UNC13B: variants seen among roughly 807,000 people sequenced by gnomAD.
UNC13B encodes the protein protein unc-13 homolog B.
Under a neutral mutation model 211.0 loss-of-function variants are expected in UNC13B, and 144 were observed. The ratio of observed to expected loss-of-function variants is 0.68; its 90% CI spans 0.60 to 0.78. UNC13B has a LOEUF of 0.78. Ranked by LOEUF, UNC13B falls within the 30% of genes least tolerant of loss-of-function variation. The probability of loss-of-function intolerance (pLI) is 0.00; values close to 1 mark genes in which losing one functional copy is unlikely to be tolerated. For synonymous variants in UNC13B, 709 were observed against 725.8 expected (o/e 0.98, Z 0.37); for missense variants, 1,777 against 2,002.0 (o/e 0.89, Z 2.14).
chr9:35,241,654 T>G (rs1587446836), intron 5 of UNC13B, among the ~76,000 whole-genome samples: 1 of 151,976 alleles, frequency 6.6e-6, no homozygotes, highest in South Asian at 2.1e-4. Context: ...CCCTGTGCCT[T>G]GCTGTTTTGC....
intron 1 of UNC13B, among the ~76,000 whole-genome samples, chr9:35,219,609 C>T (rs1476822777): frequency 2.7e-5 from 4 of 145,970 alleles, no homozygotes; most frequent in Non-Finnish European, 6.0e-5. Flanking sequence ...AGAGCAAGAC[C>T]CTGTGTCCAA....
chr9:35,293,956 G>A (rs16932308), intron 7 of UNC13B, among the ~76,000 whole-genome samples: 4,354 of 152,078 alleles, frequency 0.029, 213 homozygotes, highest in African/African-American at 0.1. Flanking sequence ...ACTCAAATAG[G>A]AAAAGCTCAT....
intron 11 of UNC13B, among the ~76,000 whole-genome samples, chr9:35,365,910 C>G (rs1007939995): frequency 1.3e-5 from 2 of 152,296 alleles, no homozygotes; most frequent in East Asian, 1.9e-4. Context: ...AGGTAATTCT[C>G]CCTCACTTTT....
chr9:35,225,700 G>A (rs145404294), intron 1 of UNC13B, among the ~76,000 whole-genome samples: 18 of 152,100 alleles, frequency 1.2e-4, no homozygotes, highest in Admixed American at 7.2e-4. Context: ...AATTGTTGGC[G>A]GAGGCTGTGA....
rs1298213176 is a variant in UNC13B at position 35,301,669 on chromosome 9, A to C, written c.2265A>C (p.Lys755Asn). The C allele has an allele frequency of 2.5e-6, 1 of 398,400 alleles. No individual in the cohort carries two copies. The highest frequency in any genetic ancestry group is 2.1e-5 in the African/African-American group (1 of 48,522). The allele number at this position is 398,400 out of a possible 1,614,324, so 24.7% of individuals were successfully genotyped here. A position where few individuals can be genotyped will look rare whatever the true frequency, so the allele number is the denominator to read the frequency against. ...ATGATGAGAGTCTATTGGAAGAAAAACTCTGTATAGATCTGTCTCTTTTAC... is the reference window on the plus strand; with the variant it reads ...ATGATGAGAGTCTATTGGAAGAAAACCTCTGTATAGATCTGTCTCTTTTAC... ...SKNDESLLEE[K>N]LCIDLSLLPD... Residue 755 changes from lysine to asparagine, a missense_variant, in exon 9 of 40, where the codon AAA becomes AAC. By Grantham distance (94) the Lys-to-Asn change is moderately conservative. Transcript: ENST00000635942.
At chr9:35,224,046 A>T (rs1028740241) in intron 1 of UNC13B, among the ~76,000 whole-genome samples, 1 of 152,282 alleles carries the variant, frequency 6.6e-6, no homozygotes, top group South Asian at 2.1e-4. Flanking sequence ...TGCTTTGGTT[A>T]CTATAGCTTT....
intron 7 of UNC13B, among the ~76,000 whole-genome samples, chr9:35,285,275 G>C (rs1828726937): frequency 6.6e-6 from 1 of 152,110 alleles, no homozygotes; most frequent in Admixed American, 6.5e-5. Context: ...TTTTCATATA[G>C]GAAATTCTAT....
intron 11 of UNC13B, among the ~76,000 whole-genome samples, chr9:35,365,516 C>T (rs746598451): frequency 4.6e-5 from 7 of 152,184 alleles, no homozygotes; most frequent in Non-Finnish European, 5.9e-5. Context: ...CTGCTGAGTA[C>T]GGTGGCTATT....
At position 35,399,266 on chromosome 9, in the gene UNC13B, C is replaced by G; in HGVS notation, c.12180C>G (p.Pro4060=). 1 of 1,614,134 alleles carries G rather than the reference C, an allele frequency of 6.2e-7. No homozygotes were observed. The highest frequency in any genetic ancestry group is 8.5e-7 in the Non-Finnish European group (1 of 1,180,018). Residue 4060 remains proline, a synonymous_variant, in exon 34 of 40, where the codon CCC becomes CCG. Coordinates refer to ENST00000635942, the MANE Select transcript of UNC13B (RefSeq NM_001371189.2). The part of the protein sequence containing the change: ...MNTMERMIVL[P]PLTDQTGTQL... ...CAATGGAGAGGATGATTGTTCTGCC[C>G]CCACTCACTGACCAGACGGTAAGGA...
In UNC13B at chr9:35,272,549, C is replaced by T. The variant is rs572327117; in HGVS notation, c.526+13499C>T. On this transcript the variant is annotated intron_variant, in intron 7 of 39. Transcript: ENST00000635942. Reference sequence around the variant, plus strand: ...TTGGGATTACAGGCGTGAGCCACCACGCCCGGCCTGTTTTATTTTTTCTTT... The same window carrying T: ...TTGGGATTACAGGCGTGAGCCACCATGCCCGGCCTGTTTTATTTTTTCTTT... Among the ~76,000 whole-genome samples the T allele has an allele frequency of 3.3e-4, 50 of 152,170 alleles. No individual in the cohort carries two copies. The East Asian group carries it at 4.2e-3, about 13-fold the overall frequency.
chr9:35,278,475 C>T (rs922500504), intron 7 of UNC13B, among the ~76,000 whole-genome samples: 9 of 152,284 alleles, frequency 5.9e-5, no homozygotes, highest in African/African-American at 1.9e-4. Flanking sequence ...ATTGCATGAC[C>T]AGCTGGCCTC....
chr9:35,397,734 C>T, intron 30 of UNC13B, 22 bp downstream of exon 30: 1 of 1,612,762 alleles, frequency 6.2e-7, no homozygotes. Flanking sequence ...CCCTGGGACT[C>T]TTACAGAAAG....
At chr9:35,247,154 T>C in intron 6 of UNC13B, among the ~76,000 whole-genome samples, 1 of 152,156 alleles carries the variant, frequency 6.6e-6, no homozygotes, top group Non-Finnish European at 1.5e-5. Context: ...GCTCTCTGTT[T>C]GTCTGTTATT....
chr9:35,199,619 CTGTT>C, intron 1 of UNC13B, among the ~76,000 whole-genome samples: 1 of 152,240 alleles, frequency 6.6e-6, no homozygotes, highest in South Asian at 2.1e-4. Flanking sequence ...TTTCATGTGT[CTGTT>C]GGCTGCATAA....
intron 11 of UNC13B, chr9:35,351,774 G>A (rs762960886): frequency 8.1e-6 from 10 of 1,232,288 alleles, no homozygotes; most frequent in Non-Finnish European, 9.1e-6. Flanking sequence ...CAGAACAACA[G>A]CCAGCTTCCT....
chr9:35,190,251 C>T (rs926883934), intron 1 of UNC13B, among the ~76,000 whole-genome samples: 1 of 152,132 alleles, frequency 6.6e-6, no homozygotes, highest in Non-Finnish European at 1.5e-5. Context: ...GGAGTCTTAT[C>T]TCTCAATAGG....
At chr9:35,193,480 C>G (rs1822768790) in intron 1 of UNC13B, among the ~76,000 whole-genome samples, 2 of 151,832 alleles carry the variant, frequency 1.3e-5, no homozygotes, top group Non-Finnish European at 2.9e-5. Context: ...AACCCCGTCT[C>G]TACTAAAAAT....
intron 7 of UNC13B, among the ~76,000 whole-genome samples, chr9:35,282,136 G>GT (rs1828529379): frequency 6.6e-6 from 1 of 152,128 alleles, no homozygotes. Context: ...CTTTTTAATG[G>GT]TAGAATATAA....
At chr9:35,347,801 C>T (rs1832459838) in intron 11 of UNC13B, among the ~76,000 whole-genome samples, 1 of 152,178 alleles carries the variant, frequency 6.6e-6, no homozygotes, top group Non-Finnish European at 1.5e-5. Flanking sequence ...GGCAGCTCTG[C>T]CTTCAGTCTT....
Sources: gnomAD v4.1 joint callset for allele counts (sites outside exome capture counted in the v4.1 genomes callset) on GRCh38, gnomAD v4.1.1 for gene constraint, MANE v1.5 for transcripts, NCBI Gene and HGNC (gene_info 2026-07-23, HGNC 2026-07-21) for gene names.